Variants in WNT9A observed in about 807,000 individuals in gnomAD.
The protein encoded by WNT9A is protein Wnt-9a.
WNT9A carries 8 observed loss-of-function variants against 31.4 expected under a neutral mutation model. That is an observed-to-expected ratio of 0.26 (90% CI 0.15 to 0.46). The LOEUF (loss-of-function observed/expected upper bound fraction) is 0.46, where lower values mean the gene tolerates loss of function less well. Among genes scored for constraint, WNT9A ranks in the 20% least tolerant of loss-of-function variants. WNT9A has a pLI of 0.99. For missense variants in WNT9A, 457 were observed against 522.9 expected (o/e 0.87, Z 1.23); for synonymous variants, 236 against 220.1 (o/e 1.07, Z -0.64).
Position 227,925,556 on chromosome 1 carries a change from G to A in WNT9A, c.96-37C>T. On this transcript the variant is annotated intron_variant, in intron 1 of 3. Transcript: ENST00000272164. The surrounding 1 kb of genome is among the most constrained non-coding windows in gnomAD (Gnocchi z 6.0). ...GAGGCCAGCATGAGCCCGGCCCCAG[G>A]AAGCCCTGCTGGAGCCTGGCCAGGT... 1 of 1,473,582 alleles carries A rather than the reference G, an allele frequency of 6.8e-7. No homozygotes were observed. 91.3% of individuals were successfully genotyped at this position (1,473,582 alleles called of 1,614,324 possible).
At chr1:227,937,326 AGCTCTGACCCCGGGCT>A (rs1194978495) in intron 1 of WNT9A, among the ~76,000 whole-genome samples, 148 of 152,314 alleles carry the variant, frequency 9.7e-4, no homozygotes, top group African/African-American at 3.4e-3. Context: ...AGGCCTGGTT[AGCTCTGACCCCGGGCT>A]GCTCACTGTA....
At chr1:227,936,321 C>T (rs1172748469) in intron 1 of WNT9A, among the ~76,000 whole-genome samples, 1 of 152,172 alleles carries the variant, frequency 6.6e-6, no homozygotes, top group Non-Finnish European at 1.5e-5. Context: ...TCCCAAGTAG[C>T]TGGGATTACA....
chr1:227,925,316 T>TCAAAGC lies in WNT9A; in HGVS notation c.293_298dup (p.Phe99_Glu100insGlyPhe). ...GCCCTCCAGCGTGCAGTTCCAGCGC[T>TCAAAGC]CAAAGCGGAACTGGAACTGGCACTC... On this transcript the variant is annotated inframe_insertion, in exon 2 of 4. Transcript: ENST00000272164. The surrounding 1 kb of genome is among the most constrained non-coding windows in gnomAD (Gnocchi z 6.0). The TCAAAGC allele has an allele frequency of 6.2e-7, 1 of 1,602,898 alleles. No individual in the cohort carries two copies. The highest frequency in any genetic ancestry group is 8.5e-7 in the Non-Finnish European group (1 of 1,176,168).
chr1:227,931,901 T>G (rs1666518188), intron 1 of WNT9A, among the ~76,000 whole-genome samples: 1 of 149,640 alleles, frequency 6.7e-6, no homozygotes, highest in Non-Finnish European at 1.5e-5. Context: ...TTTTGTATCT[T>G]TAGTAGAGAC....
At chr1:227,929,845 C>T (rs1666478254) in intron 1 of WNT9A, among the ~76,000 whole-genome samples, 1 of 152,138 alleles carries the variant, frequency 6.6e-6, no homozygotes, top group African/African-American at 2.4e-5. Flanking sequence ...GAGACCCTTG[C>T]CTCTTCTGCC....
chr1:227,932,612 G>A (rs1204258141), intron 1 of WNT9A, among the ~76,000 whole-genome samples: 2 of 152,206 alleles, frequency 1.3e-5, no homozygotes, highest in African/African-American at 2.4e-5. Context: ...CACTGTCTAT[G>A]GCAGCTGTAG....
chr1:227,928,356 TG>T lies in WNT9A; in HGVS notation c.96-2838del, dbSNP rs1179553750. Reference sequence around the variant, plus strand: ...AGGCAGGGTGGGCAGGGTGGGCCGTTGGCACTGTCAGAAGGGTGTGGAGGGA... The same window carrying T: ...AGGCAGGGTGGGCAGGGTGGGCCGTTGCACTGTCAGAAGGGTGTGGAGGGA... On this transcript the variant is annotated intron_variant, in intron 1 of 3. Coordinates refer to ENST00000272164, the MANE Select transcript of WNT9A (RefSeq NM_003395.4). This position sits in a 1 kb window ranked among gnomAD's most constrained non-coding sequence, Gnocchi z 4.5. 1.3e-5 allele frequency among the ~76,000 whole-genome samples: 2 copies of T among 151,840 alleles called. No individual in the cohort carries two copies. Among genetic ancestry groups the T allele is most frequent in the Non-Finnish European group, 2.9e-5 (2 of 67,944 alleles).
At chr1:227,943,946 A>G (rs1299720101) in intron 1 of WNT9A, among the ~76,000 whole-genome samples, 1 of 152,110 alleles carries the variant, frequency 6.6e-6, no homozygotes, top group Non-Finnish European at 1.5e-5. Flanking sequence ...ACATCGCTGC[A>G]CTCTAGCCCG....
chr1:227,937,100 C>G (rs1666607776), intron 1 of WNT9A, among the ~76,000 whole-genome samples: 1 of 152,238 alleles, frequency 6.6e-6, no homozygotes, highest in African/African-American at 2.4e-5. Flanking sequence ...TTCTAATCTG[C>G]TTTTAAATCA....
chr1:227,921,598 G>A lies in WNT9A; in HGVS notation c.1018C>T (p.Gln340Ter). 1 of 1,613,552 alleles carries A rather than the reference G, an allele frequency of 6.2e-7. No homozygotes were observed. The highest frequency in any genetic ancestry group is 8.5e-7 in the Non-Finnish European group (1 of 1,180,008). ...TAGCAGCACCAACGCACCTGGCACT[G>A]GCAGGGCCTTGTCACCACCCGGCTC... ...TQSRVVTRPCQCQVRWCCYVE... is the reference protein window; with the variant it reads ...TQSRVVTRPC The change falls in exon 4 of 4, where the codon CAG becomes TAG. Residue 340 changes from glutamine (Q) to a stop codon, truncating the protein, a stop_gained. Transcript: ENST00000272164. LOFTEE classifies it high-confidence loss of function.
At chr1:227,944,042 A>G (rs1467944565) in intron 1 of WNT9A, among the ~76,000 whole-genome samples, 5 of 152,066 alleles carry the variant, frequency 3.3e-5, no homozygotes, top group African/African-American at 7.2e-5. Flanking sequence ...TATGTACCCC[A>G]AGAACTGAAA....
intron 1 of WNT9A, among the ~76,000 whole-genome samples, chr1:227,946,201 C>G (rs1053406812): frequency 2.0e-5 from 3 of 152,260 alleles, no homozygotes; most frequent in East Asian, 1.9e-4. Context: ...CTGAAACACA[C>G]GCACACAAAG....
chr1:227,947,307 C>T (rs1324480130), intron 1 of WNT9A, among the ~76,000 whole-genome samples: 1 of 140,828 alleles, frequency 7.1e-6, no homozygotes, highest in Non-Finnish European at 1.5e-5. Context: ...TTCTCTCTTT[C>T]TCTCTCTCTC....
intron 1 of WNT9A, among the ~76,000 whole-genome samples, chr1:227,945,487 G>A (rs1191556502): frequency 6.6e-6 from 1 of 152,168 alleles, no homozygotes; most frequent in Non-Finnish European, 1.5e-5. Context: ...AGGCAGGGAG[G>A]GCTCCCGTGG....
intron 1 of WNT9A, among the ~76,000 whole-genome samples, chr1:227,937,172 T>A (rs536308484): frequency 2.0e-5 from 3 of 152,326 alleles, no homozygotes; most frequent in Admixed American, 6.5e-5. Flanking sequence ...GCTGGGTCAG[T>A]CTTTGTGGTT....
chr1:227,935,130 C>T (rs1666571708), intron 1 of WNT9A, among the ~76,000 whole-genome samples: 1 of 151,240 alleles, frequency 6.6e-6, no homozygotes, highest in African/African-American at 2.4e-5. Context: ...CCCAGTTCAC[C>T]ATACAGAGCC....
At chr1:227,940,954 C>T (rs1666694795) in intron 1 of WNT9A, among the ~76,000 whole-genome samples, 1 of 152,272 alleles carries the variant, frequency 6.6e-6, no homozygotes, top group Non-Finnish European at 1.5e-5. Flanking sequence ...CCTGCCCGGC[C>T]TGGACCACGG....
At chr1:227,922,291 C>T (rs1666333805) in intron 3 of WNT9A, among the ~76,000 whole-genome samples, 1 of 152,240 alleles carries the variant, frequency 6.6e-6, no homozygotes, top group Non-Finnish European at 1.5e-5. Context: ...GCCTGATGTC[C>T]ACCCTGCGTC....
chr1:227,942,408 C>T lies in WNT9A; in HGVS notation c.95+5385G>A, dbSNP rs1350349750. ...GGGGCCATCAGGCTGACACTCCAGACCCTCCCACTTACGGCCCCACTGTCA... is the reference window on the plus strand; with the variant it reads ...GGGGCCATCAGGCTGACACTCCAGATCCTCCCACTTACGGCCCCACTGTCA... On this transcript the variant is annotated intron_variant, in intron 1 of 3. Transcript: ENST00000272164. The surrounding 1 kb of genome is among the most constrained non-coding windows in gnomAD (Gnocchi z 5.7). Among the ~76,000 whole-genome samples, 1 of 152,136 alleles carries T rather than the reference C, an allele frequency of 6.6e-6. No homozygotes were observed. Among genetic ancestry groups the T allele is most frequent in the Non-Finnish European group, 1.5e-5 (1 of 67,996 alleles).
Sources: gnomAD v4.1 joint callset for allele counts (sites outside exome capture counted in the v4.1 genomes callset) on GRCh38, gnomAD v4.1.1 for gene constraint, Gnocchi (gnomAD v3.1) non-coding constraint, MANE v1.5 for transcripts, NCBI Gene and HGNC (gene_info 2026-07-23, HGNC 2026-07-21) for gene names.